GABRB3: variants seen among roughly 807,000 people sequenced by gnomAD.
GABRB3 encodes gamma-aminobutyric acid type A receptor subunit beta3, also known as gamma-aminobutyric acid receptor subunit beta-3.
A neutral mutation model predicts 52.1 loss-of-function variants in GABRB3; 14 were observed. That is an observed-to-expected ratio of 0.27 (90% CI 0.18 to 0.42). The LOEUF is 0.42. Ranked by LOEUF, GABRB3 falls within the 10% of genes least tolerant of loss-of-function variation. The pLI, the probability that GABRB3 is intolerant of heterozygous loss-of-function variation, is 1.00. For missense variants in GABRB3, 307 were observed against 609.1 expected, an observed-to-expected ratio of 0.50 and a Z score of 5.22; for synonymous variants, 260 against 232.3, an observed-to-expected ratio of 1.12 and a Z score of -1.08.
intron 4 of GABRB3, 149 bp from the exon 5 acceptor site, chr15:26,583,563 T>C: frequency 3.1e-6 from 2 of 652,578 alleles, no homozygotes; most frequent in Non-Finnish European, 5.5e-6. Flanking sequence ...GAGAGAAACT[T>C]GAGTAAATAA....
rs1889167154 is a variant in GABRB3, at chr15:26,544,829, C to G, written c.*2964G>C. 1 of 152,608 alleles carries G rather than the reference C, an allele frequency of 6.6e-6. No individual in the cohort carries two copies. The allele number at this position is 152,608 out of a possible 1,614,324, so 9.5% of individuals were successfully genotyped here. ...CTTTCAATTGTTAAGAAAGAAATCT[C>G]ATTATATCCCCAATGATAACGTTTC... On this transcript the variant is annotated 3_prime_UTR_variant, in exon 9 of 9. Transcript: ENST00000311550.
intron 3 of GABRB3, among the ~76,000 whole-genome samples, chr15:26,657,842 T>G (rs2140603779): frequency 6.6e-6 from 1 of 152,290 alleles, no homozygotes; most frequent in South Asian, 2.1e-4. Flanking sequence ...CCTAACTAAC[T>G]TTGGGAGGAA....
At chr15:26,667,758 A>G (rs1277214861) in intron 3 of GABRB3, among the ~76,000 whole-genome samples, 3 of 152,146 alleles carry the variant, frequency 2.0e-5, no homozygotes, top group African/African-American at 7.2e-5. Context: ...GCCTCATCCC[A>G]GACCAGTTTA....
intron 3 of GABRB3, among the ~76,000 whole-genome samples, chr15:26,738,014 T>C (rs1273798875): frequency 6.6e-6 from 1 of 152,200 alleles, no homozygotes; most frequent in Non-Finnish European, 1.5e-5. Context: ...GAGAAATTAC[T>C]AGGCAAAATT....
chr15:26,568,500 CT>C (rs11419760), intron 6 of GABRB3, among the ~76,000 whole-genome samples: 1,828 of 137,690 alleles, frequency 0.013, 46 homozygotes, highest in African/African-American at 0.047. Flanking sequence ...GTTTTCCTTT[CT>C]TTTTTTTTTT....
chr15:26,568,289 G>A (rs1205712845), intron 6 of GABRB3, among the ~76,000 whole-genome samples: 1 of 152,022 alleles, frequency 6.6e-6, no homozygotes, highest in Admixed American at 6.5e-5. Context: ...CTTCTGCTTC[G>A]GCCACAGAAG....
chr15:26,611,156 T>G (rs958061004), intron 4 of GABRB3, among the ~76,000 whole-genome samples: 1 of 152,146 alleles, frequency 6.6e-6, no homozygotes, highest in Non-Finnish European at 1.5e-5. Context: ...TAGTTTTGTA[T>G]AATATCTCAG....
chr15:26,579,812 C>A (rs1038686732), intron 6 of GABRB3, among the ~76,000 whole-genome samples: 1 of 152,154 alleles, frequency 6.6e-6, no homozygotes, highest in Non-Finnish European at 1.5e-5. Flanking sequence ...GCTAAGGCAA[C>A]CTTCATCAGG....
chr15:26,729,446 T>A (rs576600151), intron 3 of GABRB3, among the ~76,000 whole-genome samples: 49 of 152,164 alleles, frequency 3.2e-4, no homozygotes, highest in African/African-American at 9.2e-4. Context: ...CACCTCTCCA[T>A]CATCCTCCGC....
At chr15:26,618,237 G>A (rs1892336997) in intron 4 of GABRB3, among the ~76,000 whole-genome samples, 1 of 151,932 alleles carries the variant, frequency 6.6e-6, no homozygotes, top group South Asian at 2.1e-4. Context: ...AACAAAGCTG[G>A]AGGCATCACG....
At chr15:26,572,416 G>A (rs528959956) in intron 6 of GABRB3, among the ~76,000 whole-genome samples, 24 of 152,246 alleles carry the variant, frequency 1.6e-4, no homozygotes, top group African/African-American at 5.8e-4. Flanking sequence ...TCAAGGTAAC[G>A]GACCCAGCAG....
At chr15:26,704,755 C>T (rs949135180) in intron 3 of GABRB3, among the ~76,000 whole-genome samples, 1 of 152,152 alleles carries the variant, frequency 6.6e-6, no homozygotes, top group African/African-American at 2.4e-5. Flanking sequence ...TGCCTTATAA[C>T]AAGGGTGACC....
In GABRB3 at chr15:26,702,765, A is replaced by G. The variant is rs1888977628; in HGVS notation, c.240+69637T>C. ...CACAAAGACTTGTACATGAATGTTC[A>G]TAGCAGCCTTTTTAATTTAATAGTC... On this transcript the variant is annotated intron_variant, in intron 3 of 8. Coordinates refer to ENST00000311550, the MANE Select transcript of GABRB3 (RefSeq NM_000814.6). Among the ~76,000 whole-genome samples, 4 of 152,254 alleles carry G rather than the reference A, an allele frequency of 2.6e-5. No homozygotes were observed. The South Asian group carries it at 8.3e-4, about 31-fold the overall frequency.
chr15:26,591,664 G>A lies in GABRB3; in HGVS notation c.462-8250C>T, dbSNP rs148248331. ...GACTACACCGCAGGTTCAACCCTCC[G>A]AAGAGGAAGAGAGAAAACAGCTTGA... On this transcript the variant is annotated intron_variant, in intron 4 of 8. Transcript: ENST00000311550. 2.6e-5 allele frequency among the ~76,000 whole-genome samples: 4 copies of A among 152,274 alleles called. No homozygotes were observed. In the East Asian group the frequency reaches 5.8e-4, roughly 22 times the overall value.
intron 4 of GABRB3, among the ~76,000 whole-genome samples, chr15:26,593,801 G>T (rs1286184025): frequency 6.6e-6 from 1 of 151,602 alleles, no homozygotes. Flanking sequence ...ATCTGTTTGG[G>T]TCACTTCTTT....
At chr15:26,587,321 C>T (rs1167575563) in intron 4 of GABRB3, among the ~76,000 whole-genome samples, 1 of 152,178 alleles carries the variant, frequency 6.6e-6, no homozygotes, top group South Asian at 2.1e-4. Context: ...ACTCAGAAAA[C>T]CCTCTCAGAG....
At chr15:26,636,787 T>C (rs1956664384) in intron 3 of GABRB3, among the ~76,000 whole-genome samples, 1 of 152,126 alleles carries the variant, frequency 6.6e-6, no homozygotes, top group South Asian at 2.1e-4. Context: ...ATTTCTGGAG[T>C]CATTTTTCAC....
chr15:26,571,704 G>A (rs749535842), intron 6 of GABRB3, among the ~76,000 whole-genome samples: 2 of 152,080 alleles, frequency 1.3e-5, no homozygotes, highest in Non-Finnish European at 1.5e-5. Context: ...CTGGAAATTC[G>A]CCAAGATACT....
chr15:26,756,586 A>AT (rs1484402236), intron 3 of GABRB3, among the ~76,000 whole-genome samples: 1 of 151,904 alleles, frequency 6.6e-6, no homozygotes, highest in African/African-American at 2.4e-5. Flanking sequence ...TCAAAAAAAA[A>AT]TTTTTAAAGT....
Sources: gnomAD v4.1 joint callset for allele counts (sites outside exome capture counted in the v4.1 genomes callset) on GRCh38, gnomAD v4.1.1 for gene constraint, MANE v1.5 for transcripts, NCBI Gene and HGNC (gene_info 2026-07-23, HGNC 2026-07-21) for gene names.